Variants in FAT3 observed in about 807,000 individuals in gnomAD.
The protein encoded by FAT3 is protocadherin Fat 3.
In FAT3, 95 loss-of-function variants were observed where a neutral mutation model predicts 310.2. The ratio of observed to expected loss-of-function variants is 0.31; its 90% CI spans 0.26 to 0.36. The LOEUF is 0.36. Ranked by LOEUF, FAT3 falls within the 10% of genes least tolerant of loss-of-function variation. FAT3 has a pLI of 1.00. For missense variants in FAT3, 5,408 were observed against 5,715.6 expected, an observed-to-expected ratio of 0.95 and a Z score of 1.74; for synonymous variants, 2,314 against 2,192.9, an observed-to-expected ratio of 1.06 and a Z score of -1.54.
At chr11:92,889,959 C>A (rs1426772917) in intron 27 of FAT3, 68 bp downstream of exon 27, 1 of 717,588 alleles carries the variant, frequency 1.4e-6, no homozygotes, top group Non-Finnish European at 2.6e-6. Flanking sequence ...TCATTCTTAC[C>A]CTGTTCCTGT....
At position 92,891,463 on chromosome 11, in the gene FAT3, A is replaced by T. The variant is rs1272692899; in HGVS notation, c.*350A>T. Reference sequence around the variant, plus strand: ...GTGCCCTGGAAAGTGTTACAGCATCAGTCCTTGCAGTATTAAAAACTGGCA... The same window carrying T: ...GTGCCCTGGAAAGTGTTACAGCATCTGTCCTTGCAGTATTAAAAACTGGCA... On this transcript the variant is annotated 3_prime_UTR_variant, in exon 28 of 28. Transcript: ENST00000525166. The T allele has an allele frequency of 3.7e-6, 1 of 268,878 alleles. No individual in the cohort carries two copies. Among genetic ancestry groups the T allele is most frequent in the Non-Finnish European group, 7.3e-6 (1 of 137,918 alleles). The allele number at this position is 268,878 out of a possible 1,614,324, so 16.7% of individuals were successfully genotyped here. A position where few individuals can be genotyped will look rare whatever the true frequency, so the allele number is the denominator to read the frequency against.
chr11:92,755,673 C>G (rs1295027149), intron 4 of FAT3, among the ~76,000 whole-genome samples: 1 of 152,154 alleles, frequency 6.6e-6, no homozygotes, highest in Non-Finnish European at 1.5e-5. Context: ...TATTTGTCAA[C>G]TAAAAAAATT....
Position 92,895,173 on chromosome 11 carries a change from T to A in FAT3, c.*4060T>A, listed in dbSNP as rs1300784265. ...AGGCTTTAATGTTTTATGTTTTTAG[T>A]TTCAAACTATGGGAAATGGAGATTT... On this transcript the variant is annotated 3_prime_UTR_variant, in exon 28 of 28. Coordinates refer to ENST00000525166, the MANE Select transcript of FAT3 (RefSeq NM_001367949.2). The A allele has an allele frequency of 6.6e-6, 1 of 152,236 alleles. No individual in the cohort carries two copies. Among genetic ancestry groups the A allele is most frequent in the Non-Finnish European group, 1.5e-5 (1 of 68,042 alleles). The allele number at this position is 152,236 out of a possible 1,614,324, so 9.4% of individuals were successfully genotyped here. A position where few individuals can be genotyped will look rare whatever the true frequency, so the allele number is the denominator to read the frequency against.
At chr11:92,839,059 G>A (rs928955045) in intron 17 of FAT3, among the ~76,000 whole-genome samples, 6 of 152,136 alleles carry the variant, frequency 3.9e-5, no homozygotes, top group Admixed American at 6.5e-5. Context: ...GCTCACAAGG[G>A]TGCTCTCTGC....
chr11:92,535,019 G>A (rs923694881), intron 3 of FAT3, among the ~76,000 whole-genome samples: 2 of 151,574 alleles, frequency 1.3e-5, no homozygotes, highest in Admixed American at 6.6e-5. Flanking sequence ...TGGCATTTTT[G>A]TGTAACATTC....
chr11:92,326,327 C>A (rs1435078384), intron 1 of FAT3, among the ~76,000 whole-genome samples: 1 of 152,202 alleles, frequency 6.6e-6, no homozygotes, highest in Non-Finnish European at 1.5e-5. Context: ...CAAAAACAAT[C>A]CTGTACAATA....
intron 3 of FAT3, among the ~76,000 whole-genome samples, chr11:92,598,304 T>C (rs1215683350): frequency 2.0e-5 from 3 of 151,326 alleles, no homozygotes; most frequent in Non-Finnish European, 4.4e-5. Context: ...TCAGCTTATT[T>C]CAGCCTTGTA....
Position 92,889,844 on chromosome 11 carries a change from G to A in FAT3, c.13112-12G>A. ...GACTGTCAGTTTTACTTTTCACTTT[G>A]TATTTAAACAGTGTCTGTCATGGAC... On this transcript the variant is annotated splice_polypyrimidine_tract_variant and intron_variant, in intron 26 of 27. Coordinates refer to ENST00000525166, the MANE Select transcript of FAT3 (RefSeq NM_001367949.2). 1 of 717,852 alleles carries A rather than the reference G, an allele frequency of 1.4e-6. No individual in the cohort carries two copies. Among genetic ancestry groups the A allele is most frequent in the South Asian group, 1.5e-5 (1 of 67,604 alleles). 44.5% of individuals were successfully genotyped at this position (717,852 alleles called of 1,614,324 possible). A position where few individuals can be genotyped will look rare whatever the true frequency, so the allele number is the denominator to read the frequency against.
chr11:92,259,708 T>C (rs1865462233), intron 1 of FAT3, among the ~76,000 whole-genome samples: 1 of 152,116 alleles, frequency 6.6e-6, no homozygotes, highest in South Asian at 2.1e-4. Flanking sequence ...TAAATAATTA[T>C]ATGGCTTCTA....
At position 92,893,764 on chromosome 11, in the gene FAT3, C is replaced by T. The variant is rs1949965894; in HGVS notation, c.*2651C>T. On this transcript the variant is annotated 3_prime_UTR_variant, in exon 28 of 28. Coordinates refer to ENST00000525166, the MANE Select transcript of FAT3 (RefSeq NM_001367949.2). Reference sequence around the variant, plus strand: ...TGTTTTGATTTATTATCTTTAAACACATGATATCTCTTCACTTTTTGGAAA... The same window carrying T: ...TGTTTTGATTTATTATCTTTAAACATATGATATCTCTTCACTTTTTGGAAA... 6.6e-6 allele frequency: 1 copy of T among 152,200 alleles called. No homozygotes were observed. Among genetic ancestry groups the T allele is most frequent in the Non-Finnish European group, 1.5e-5 (1 of 68,044 alleles). 9.4% of individuals were successfully genotyped at this position (152,200 alleles called of 1,614,324 possible).
chr11:92,531,173 C>A (rs568520519), intron 3 of FAT3, among the ~76,000 whole-genome samples: 1 of 152,278 alleles, frequency 6.6e-6, no homozygotes, highest in South Asian at 2.1e-4. Context: ...ATGAAAGGAG[C>A]CCTTGTCCTA....
At chr11:92,528,550 C>A (rs926604982) in intron 3 of FAT3, among the ~76,000 whole-genome samples, 12 of 152,184 alleles carry the variant, frequency 7.9e-5, no homozygotes, top group African/African-American at 2.9e-4. Flanking sequence ...CCACACCCGG[C>A]TAATTTTTTG....
At chr11:92,547,174 G>A (rs921807341) in intron 3 of FAT3, among the ~76,000 whole-genome samples, 5 of 152,094 alleles carry the variant, frequency 3.3e-5, no homozygotes, top group African/African-American at 7.2e-5. Context: ...AACCAATAAA[G>A]GTGGCCAAAT....
rs562354786 is a variant in FAT3, at chr11:92,347,424, GAATGAA to G, written c.-17-4664_-17-4659del. Among the ~76,000 whole-genome samples the G allele has an allele frequency of 1.6e-3, 239 of 152,272 alleles. 3 individuals are homozygous for G. In the Middle Eastern group the frequency reaches 0.017, roughly 11 times the overall value. ...AAAATAGAAAAGATAGGAAGAGAGGGAATGAAAATGAAATATATTTTTAAAATACCT... is the reference window on the plus strand; with the variant it reads ...AAAATAGAAAAGATAGGAAGAGAGGGAATGAAATATATTTTTAAAATACCT... On this transcript the variant is annotated intron_variant, in intron 1 of 27. Coordinates refer to ENST00000525166, the MANE Select transcript of FAT3 (RefSeq NM_001367949.2).
chr11:92,583,345 A>G (rs1412682472), intron 3 of FAT3, among the ~76,000 whole-genome samples: 1 of 152,028 alleles, frequency 6.6e-6, no homozygotes, highest in Non-Finnish European at 1.5e-5. Flanking sequence ...TGTTGGGTTA[A>G]GGCAGGGATT....
chr11:92,352,396 A>C lies in FAT3; in HGVS notation c.284A>C (p.Glu95Ala). The change falls in exon 2 of 28, where the codon GAG becomes GCG. Residue 95 changes from glutamate to alanine, a missense_variant. By Grantham distance (107) the Glu-to-Ala change is moderately radical. Around this residue, in one of 5 missense-constraint regions of FAT3, gnomAD observed 152 missense variants for 188.3 expected, o/e 0.81. Coordinates refer to ENST00000525166, the MANE Select transcript of FAT3 (RefSeq NM_001367949.2). ...SGDEEGFFKA[E>A]EVIIADFCFL... ...GACGAGGAAGGCTTTTTCAAAGCAGAGGAAGTCATCATTGCAGATTTCTGT... is the reference window on the plus strand; with the variant it reads ...GACGAGGAAGGCTTTTTCAAAGCAGCGGAAGTCATCATTGCAGATTTCTGT... The C allele has an allele frequency of 6.2e-7, 1 of 1,611,066 alleles. No individual in the cohort carries two copies. Among genetic ancestry groups the C allele is most frequent in the Non-Finnish European group, 8.5e-7 (1 of 1,178,564 alleles).
At chr11:92,634,091 G>T (rs924507771) in intron 3 of FAT3, among the ~76,000 whole-genome samples, 1 of 152,260 alleles carries the variant, frequency 6.6e-6, no homozygotes, top group East Asian at 1.9e-4. Flanking sequence ...TATAAGCAGC[G>T]ATCTTCTAGA....
intron 4 of FAT3, among the ~76,000 whole-genome samples, chr11:92,750,849 ATTTGGGTTGTT>A (rs1243847923): frequency 6.6e-6 from 1 of 152,192 alleles, no homozygotes; most frequent in Middle Eastern, 3.2e-3. Context: ...AATACGTGCT[ATTTGGGTTGTT>A]TCACCTAGAA....
In FAT3 at chr11:92,883,327, G is replaced by T. The variant is rs756553194; in HGVS notation, c.12871G>T (p.Ala4291Ser). The T allele has an allele frequency of 1.2e-6, 2 of 1,611,438 alleles. No homozygotes were observed. The highest frequency in any genetic ancestry group is 1.3e-5 in the African/African-American group (1 of 74,896). Residue 4291 changes from alanine to serine, a missense_variant, in exon 24 of 28, where the codon GCC (alanine) becomes TCC (serine). Physicochemically the swap from Ala to Ser is moderately conservative, Grantham distance 99. Around this residue, in one of 5 missense-constraint regions of FAT3, gnomAD observed 649 missense variants for 666.2 expected, o/e 0.97. Transcript: ENST00000525166. This position sits in a 1 kb window ranked among gnomAD's most constrained non-coding sequence, Gnocchi z 4.2. The part of the protein sequence containing the change: ...VVCSVAPNLP[A>S]VSPCRSDCDS... ...GTGCAGTGTGGCCCCCAACCTCCCC[G>T]CCGTGTCACCCTGCCGCTCCGACTG...
Sources: allele counts gnomAD v4.1 joint callset (sites outside exome capture counted in the v4.1 genomes callset), GRCh38; gene constraint gnomAD v4.1.1; regional missense constraint gnomAD v4.1.1; non-coding constraint Gnocchi (gnomAD v3.1); transcripts MANE v1.5; gene names NCBI Gene and HGNC (gene_info 2026-07-23, HGNC 2026-07-21).